Variants in CNGA3 observed in about 807,000 individuals in gnomAD.
The protein encoded by CNGA3 is cyclic nucleotide-gated channel alpha-3.
Under a neutral mutation model 46.6 loss-of-function variants are expected in CNGA3, and 42 were observed. That is an observed-to-expected ratio of 0.90 (90% CI 0.70 to 1.17). The LOEUF (loss-of-function observed/expected upper bound fraction) is 1.17. Ranked by LOEUF, CNGA3 falls within the 50% of genes most tolerant of loss-of-function variation. CNGA3 has a pLI of 0.00. For synonymous variants in CNGA3, 394 were observed against 369.4 expected (o/e 1.07, Z -0.76); for missense variants, 893 against 890.7 (o/e 1.00, Z -0.03).
intron 1 of CNGA3, among the ~76,000 whole-genome samples, chr2:98,368,012 G>A (rs556813769): frequency 6.6e-6 from 1 of 152,192 alleles, no homozygotes; most frequent in Non-Finnish European, 1.5e-5. Flanking sequence ...TTGAGAACAG[G>A]CTTCGTTTTA....
At chr2:98,360,315 C>T (rs12475597) in intron 1 of CNGA3, among the ~76,000 whole-genome samples, 34,073 of 152,180 alleles carry the variant, frequency 0.22, 4,320 homozygotes, top group Admixed American at 0.36. Context: ...GTACTGCCTC[C>T]ATGCAATGGC....
intron 1 of CNGA3, among the ~76,000 whole-genome samples, chr2:98,352,729 A>G (rs1691794161): frequency 6.6e-6 from 1 of 152,130 alleles, no homozygotes; most frequent in Admixed American, 6.6e-5. Flanking sequence ...GGTAGGATAA[A>G]ATGTAGAAGA....
chr2:98,377,796 G>A lies in CNGA3; in HGVS notation c.211G>A (p.Ala71Thr), dbSNP rs61756692. The A allele has an allele frequency of 1.3e-4, 204 of 1,609,794 alleles. 3 individuals are homozygous for A. Among genetic ancestry groups the A allele is most frequent in the South Asian group, 1.0e-3 (93 of 90,156 alleles). The part of the protein sequence containing the change: ...GQGSFTGQGI[A>T]RLSRLIFLLR... ...GGGCTCCTTCACCGGCCAGGGGATC[G>A]CCAGGTAACTGACCAGCCTCAGTCC... The change falls in exon 3 of 8, where the codon GCC becomes ACC. Residue 71 changes from alanine to threonine, a missense_variant. Around this residue, in one of 3 missense-constraint regions of CNGA3, gnomAD observed 333 missense variants for 290.8 expected, o/e 1.15. Coordinates refer to ENST00000272602, the MANE Select transcript of CNGA3 (RefSeq NM_001298.3).
rs1294984732 is a variant in CNGA3, at chr2:98,355,058, A to G, written c.-38+8524A>G. ...TTTGCCAAATGCATTTTCTGTGTTC[A>G]TGAGATGATTATGAGGTCTTTGCCC... is the stretch of plus-strand genomic sequence containing the variant. On this transcript the variant is annotated intron_variant, in intron 1 of 7. Transcript: ENST00000272602. Among the ~76,000 whole-genome samples, 39 of 152,186 alleles carry G rather than the reference A, an allele frequency of 2.6e-4. 1 individual carries two copies. The highest frequency in any genetic ancestry group is 2.6e-3 in the Admixed American group (39 of 15,276).
At chr2:98,391,266 G>A (rs1692780527) in intron 6 of CNGA3, among the ~76,000 whole-genome samples, 1 of 152,146 alleles carries the variant, frequency 6.6e-6, no homozygotes, top group East Asian at 1.9e-4. Context: ...GCAAGCTGCT[G>A]CTCTCTGGTG....
At position 98,391,879 on chromosome 2, in the gene CNGA3, G is replaced by A; in HGVS notation, c.582G>A (p.Glu194=). Residue 194 remains glutamate, a synonymous_variant, in exon 7 of 8, where the codon GAG becomes GAA. Transcript: ENST00000272602. ...YLLICRACFD[E]LQSEYLMLWL... ...GCTTCTTTAGGGCCTGTTTCGATGA[G>A]CTGCAGTCCGAGTACCTGATGCTGT... is the stretch of plus-strand genomic sequence containing the variant. 1.2e-6 allele frequency: 2 copies of A among 1,614,166 alleles called. No homozygotes were observed. The highest frequency in any genetic ancestry group is 1.3e-5 in the African/African-American group (1 of 75,056).
chr2:98,378,488 A>G (rs1044681683), intron 3 of CNGA3, among the ~76,000 whole-genome samples: 3 of 152,192 alleles, frequency 2.0e-5, no homozygotes, highest in African/African-American at 7.2e-5. Flanking sequence ...GTTTTTTCCA[A>G]TGCCAGAGTC....
Position 98,396,730 on chromosome 2 carries a change from C to A in CNGA3, c.1560C>A (p.Tyr520Ter). The A allele has an allele frequency of 1.2e-6, 2 of 1,614,184 alleles. No homozygotes were observed. The highest frequency in any genetic ancestry group is 2.2e-5 in the South Asian group (2 of 91,082). The change falls in exon 8 of 8, where the codon TAC becomes TAA. Residue 520 changes from tyrosine to a stop codon, truncating the protein, a stop_gained. Coordinates refer to ENST00000272602, the MANE Select transcript of CNGA3 (RefSeq NM_001298.3). LOFTEE classifies it high-confidence loss of function. ...AGGGAGATATTGGGAAGGAGATGTA[C>A]ATCATCAACGAGGGCAAGCTGGCCG... ...CKKGDIGKEM[Y>*]IINEGKLAVV...
intron 5 of CNGA3, among the ~76,000 whole-genome samples, chr2:98,387,739 G>A (rs1021867483): frequency 6.6e-5 from 10 of 152,148 alleles, no homozygotes; most frequent in Non-Finnish European, 1.0e-4. Flanking sequence ...TCACAGACCC[G>A]CCTCTTCGAA....
At chr2:98,368,577 AC>A (rs1692215630) in intron 1 of CNGA3, among the ~76,000 whole-genome samples, 1 of 152,252 alleles carries the variant, frequency 6.6e-6, no homozygotes, top group Admixed American at 6.5e-5. Context: ...GATTTCTGGC[AC>A]AAGTGTAACT....
chr2:98,367,167 G>GTTTATTTTT (rs751611132), intron 1 of CNGA3, among the ~76,000 whole-genome samples: 2 of 101,586 alleles, frequency 2.0e-5, no homozygotes, highest in African/African-American at 6.7e-5. Flanking sequence ...GACATCAGCT[G>GTTTATTTTT]TTTTTTTTCT....
At chr2:98,375,906 A>G (rs997465164) in intron 2 of CNGA3, among the ~76,000 whole-genome samples, 2 of 151,976 alleles carry the variant, frequency 1.3e-5, no homozygotes, top group Non-Finnish European at 2.9e-5. Flanking sequence ...CTGAACTCCC[A>G]TTTCCTCTCT....
At chr2:98,353,830 A>C (rs1004435543) in intron 1 of CNGA3, among the ~76,000 whole-genome samples, 1 of 152,190 alleles carries the variant, frequency 6.6e-6, no homozygotes, top group Non-Finnish European at 1.5e-5. Context: ...TCATGGTGGA[A>C]GCCTGAGGGG....
chr2:98,382,123 G>A (rs147687547), intron 4 of CNGA3, among the ~76,000 whole-genome samples: 218 of 152,300 alleles, frequency 1.4e-3, no homozygotes, highest in Admixed American at 2.4e-3. Flanking sequence ...TGGATCACTC[G>A]CGGGCAGGGT....
intron 7 of CNGA3, 97 bp downstream of exon 7, chr2:98,392,067 A>G (rs889946926): frequency 3.7e-6 from 4 of 1,090,000 alleles, no homozygotes; most frequent in East Asian, 2.5e-5. Flanking sequence ...ACCCTTGACC[A>G]TGAGAGGCCA....
chr2:98,369,279 A>G (rs1692232616), intron 1 of CNGA3, among the ~76,000 whole-genome samples: 1 of 152,246 alleles, frequency 6.6e-6, no homozygotes, highest in African/African-American at 2.4e-5. Flanking sequence ...ATTTTTCAAG[A>G]CGATTTCACA....
In CNGA3 at chr2:98,374,378, G is replaced by A. The variant is rs187451501; in HGVS notation, c.102-3309G>A. Among the ~76,000 whole-genome samples, 36 of 152,242 alleles carry A rather than the reference G, an allele frequency of 2.4e-4. No homozygotes were observed. The East Asian group carries it at 5.6e-3, about 24-fold the overall frequency. ...GGGGGCCTCTTCCTTGGAAGGCATC[G>A]ACCCCACATGGGATCTTAGAATAGC... On this transcript the variant is annotated intron_variant, in intron 2 of 7. Coordinates refer to ENST00000272602, the MANE Select transcript of CNGA3 (RefSeq NM_001298.3).
chr2:98,392,604 G>A (rs1241816696), intron 7 of CNGA3, among the ~76,000 whole-genome samples: 1 of 151,688 alleles, frequency 6.6e-6, no homozygotes, highest in Non-Finnish European at 1.5e-5. Context: ...GAAAAAAAAA[G>A]AAAAGAAGTA....
At chr2:98,378,759 T>A (rs1159791221) in intron 3 of CNGA3, among the ~76,000 whole-genome samples, 2 of 152,224 alleles carry the variant, frequency 1.3e-5, no homozygotes, top group African/African-American at 2.4e-5. Flanking sequence ...GGGTGTGTTG[T>A]AAGCTTGCAA....
Sources: allele counts gnomAD v4.1 joint callset (sites outside exome capture counted in the v4.1 genomes callset), GRCh38; gene constraint gnomAD v4.1.1; regional missense constraint gnomAD v4.1.1; transcripts MANE v1.5; gene names NCBI Gene and HGNC (gene_info 2026-07-23, HGNC 2026-07-21).